DOK6: variants seen among roughly 807,000 people sequenced by gnomAD.
The protein encoded by DOK6 is docking protein 6.
In DOK6, 22 loss-of-function variants were observed where a neutral mutation model predicts 44.0. The observed-to-expected ratio is 0.50, with a 90% confidence interval of 0.36 to 0.71. DOK6 has a LOEUF of 0.71. Ranked by LOEUF, DOK6 falls within the 30% of genes least tolerant of loss-of-function variation. The probability of loss-of-function intolerance (pLI) is 0.00; values close to 1 mark genes in which losing one functional copy is unlikely to be tolerated. For missense variants in DOK6, 340 were observed against 416.4 expected, an observed-to-expected ratio of 0.82 and a Z score of 1.60; for synonymous variants, 166 against 145.5, an observed-to-expected ratio of 1.14 and a Z score of -1.01.
intron 3 of DOK6, among the ~76,000 whole-genome samples, chr18:69,647,193 A>G: frequency 6.6e-6 from 1 of 151,584 alleles, no homozygotes; most frequent in East Asian, 1.9e-4. Context: ...CCATCCATCT[A>G]CCTATCTATC....
chr18:69,672,673 C>T (rs1252537279), intron 3 of DOK6, among the ~76,000 whole-genome samples: 2 of 110,494 alleles, frequency 1.8e-5, no homozygotes, highest in Non-Finnish European at 3.4e-5. Context: ...TGTGTTTTAA[C>T]TGGTTTCTTG....
chr18:69,481,318 T>C (rs960434733), intron 1 of DOK6, among the ~76,000 whole-genome samples: 1 of 152,056 alleles, frequency 6.6e-6, no homozygotes, highest in Non-Finnish European at 1.5e-5. Flanking sequence ...TGGTGTGCTG[T>C]ACTCATTAAC....
chr18:69,642,299 T>C (rs1984961830), intron 3 of DOK6, among the ~76,000 whole-genome samples: 2 of 152,244 alleles, frequency 1.3e-5, no homozygotes, highest in Admixed American at 6.5e-5. Flanking sequence ...TGATGTTTTC[T>C]TCTTCCACAA....
chr18:69,480,166 A>G (rs1242904151), intron 1 of DOK6, among the ~76,000 whole-genome samples: 1 of 152,150 alleles, frequency 6.6e-6, no homozygotes, highest in Non-Finnish European at 1.5e-5. Flanking sequence ...TAACTTTAAG[A>G]TGAATGATAA....
intron 3 of DOK6, chr18:69,660,440 C>A (rs1170002232): frequency 1.3e-5 from 2 of 152,146 alleles, no homozygotes; most frequent in African/African-American, 2.4e-5. Flanking sequence ...TTTCTTTTAT[C>A]GTGGTATGCG....
At chr18:69,819,411 A>C (rs900099774) in intron 7 of DOK6, among the ~76,000 whole-genome samples, 1 of 152,166 alleles carries the variant, frequency 6.6e-6, no homozygotes, top group African/African-American at 2.4e-5. Context: ...ATATGTGAAT[A>C]TCTCTCCTGG....
At chr18:69,426,580 G>A (rs909281938) in intron 1 of DOK6, among the ~76,000 whole-genome samples, 1 of 152,096 alleles carries the variant, frequency 6.6e-6, no homozygotes. Flanking sequence ...TAGATCATGA[G>A]TATGCCATTA....
At chr18:69,433,662 T>C (rs1429852014) in intron 1 of DOK6, among the ~76,000 whole-genome samples, 1 of 151,954 alleles carries the variant, frequency 6.6e-6, no homozygotes, top group African/African-American at 2.4e-5. Flanking sequence ...GTCATCTGTA[T>C]ATATTGAAAA....
chr18:69,571,227 G>A (rs1468057990), intron 2 of DOK6, among the ~76,000 whole-genome samples: 1 of 151,688 alleles, frequency 6.6e-6, no homozygotes, highest in Non-Finnish European at 1.5e-5. Context: ...ACATTTTTAA[G>A]TTAACATAAA....
intron 1 of DOK6, among the ~76,000 whole-genome samples, chr18:69,422,219 A>AT (rs1978512965): frequency 6.6e-6 from 1 of 152,018 alleles, no homozygotes; most frequent in Non-Finnish European, 1.5e-5. Context: ...ACCCACCACT[A>AT]CAAGAGTTCT....
At chr18:69,820,256 C>T (rs1484219651) in intron 7 of DOK6, among the ~76,000 whole-genome samples, 1 of 152,112 alleles carries the variant, frequency 6.6e-6, no homozygotes, top group Non-Finnish European at 1.5e-5. Context: ...CACTAATACC[C>T]CAATCACAAA....
At chr18:69,561,774 G>A (rs573185470) in intron 1 of DOK6, among the ~76,000 whole-genome samples, 3 of 152,154 alleles carry the variant, frequency 2.0e-5, no homozygotes, top group Non-Finnish European at 2.9e-5. Flanking sequence ...ATCAACTTAC[G>A]GATATGCTTG....
chr18:69,401,401 G>C, intron 1 of DOK6, 91 bp downstream of exon 1: 1 of 1,356,230 alleles, frequency 7.4e-7, no homozygotes, highest in South Asian at 1.6e-5. Context: ...GACCCGTGCG[G>C]GTACAGGGCA....
chr18:69,645,233 T>C (rs1166955721), intron 3 of DOK6, among the ~76,000 whole-genome samples: 1 of 152,192 alleles, frequency 6.6e-6, no homozygotes, highest in Non-Finnish European at 1.5e-5. Context: ...CCCACAGAGA[T>C]GGGCTTATGC....
intron 1 of DOK6, among the ~76,000 whole-genome samples, chr18:69,404,785 TGGTG>T (rs1225810154): frequency 1.9e-3 from 180 of 96,250 alleles, no homozygotes; most frequent in African/African-American, 7.8e-3. Flanking sequence ...CAGGATAGGG[TGGTG>T]TGTGTGTGTG....
intron 3 of DOK6, among the ~76,000 whole-genome samples, chr18:69,628,892 G>A (rs986690614): frequency 3.3e-5 from 5 of 152,166 alleles, no homozygotes; most frequent in Admixed American, 3.3e-4. Context: ...AGAGTTAACT[G>A]AAGGCTGTGT....
chr18:69,680,952 C>G (rs1369286895), intron 4 of DOK6, among the ~76,000 whole-genome samples: 1 of 152,182 alleles, frequency 6.6e-6, no homozygotes, highest in Non-Finnish European at 1.5e-5. Context: ...CTCTTCCAGA[C>G]TCTTCAAGCA....
chr18:69,764,918 C>T (rs1215399019), intron 7 of DOK6, among the ~76,000 whole-genome samples: 1 of 152,138 alleles, frequency 6.6e-6, no homozygotes, highest in African/African-American at 2.4e-5. Context: ...AATTAAGCTA[C>T]AGACCACCAA....
chr18:69,783,615 A>T (rs1394052135), intron 7 of DOK6, among the ~76,000 whole-genome samples: 1 of 152,166 alleles, frequency 6.6e-6, no homozygotes, highest in Non-Finnish European at 1.5e-5. Context: ...TTTTCTAGAG[A>T]CAATTCAAGA....
Sources: allele counts gnomAD v4.1 joint callset (sites outside exome capture counted in the v4.1 genomes callset), GRCh38; gene constraint gnomAD v4.1.1; transcripts MANE v1.5; gene names NCBI Gene and HGNC (gene_info 2026-07-23, HGNC 2026-07-21).